The following PLXNA2 variants were observed in gnomAD, a reference collection of about 807,000 sequenced individuals.
PLXNA2 encodes the protein plexin A2.
A neutral mutation model predicts 193.5 loss-of-function variants in PLXNA2; 91 were observed. The observed-to-expected ratio is 0.47, with a 90% CI of 0.40 to 0.56. The LOEUF is 0.56. Ranked by LOEUF, PLXNA2 falls within the 20% of genes least tolerant of loss-of-function variation. The probability of loss-of-function intolerance (pLI) is 0.00; values close to 1 mark genes in which losing one functional copy is unlikely to be tolerated. For missense variants in PLXNA2, 1,995 were observed against 2,503.2 expected (o/e 0.80, Z 4.33); for synonymous variants, 997 against 1,027.3 (o/e 0.97, Z 0.56).
chr1:208,200,144 A>C (rs1399557551), intron 3 of PLXNA2, among the ~76,000 whole-genome samples: 1 of 152,214 alleles, frequency 6.6e-6, no homozygotes. Context: ...ACAGGGTAGG[A>C]TGGGGATGGC....
intron 9 of PLXNA2, among the ~76,000 whole-genome samples, chr1:208,087,127 A>G (rs1666557115): frequency 6.6e-6 from 1 of 152,062 alleles, no homozygotes; most frequent in African/African-American, 2.4e-5. Context: ...ATGAGCTTAG[A>G]CAACAAATTC....
At chr1:208,037,915 G>GT (rs33916101) in intron 26 of PLXNA2, among the ~76,000 whole-genome samples, 78,869 of 151,926 alleles carry the variant, frequency 0.52, 21,227 homozygotes, top group Non-Finnish European at 0.57. Flanking sequence ...GAGGAAGAAT[G>GT]TAAGACCTGA....
intron 2 of PLXNA2, among the ~76,000 whole-genome samples, chr1:208,212,161 C>A (rs1263513760): frequency 6.6e-6 from 1 of 152,228 alleles, no homozygotes; most frequent in Admixed American, 6.5e-5. Context: ...TGCCCCCATG[C>A]TCCCTTCAGC....
chr1:208,143,412 AGCTGAT>A (rs980872265), intron 3 of PLXNA2, among the ~76,000 whole-genome samples: 2 of 152,232 alleles, frequency 1.3e-5, no homozygotes, highest in Non-Finnish European at 2.9e-5. Flanking sequence ...CAAATTCCCC[AGCTGAT>A]GCTGATGCTG....
intron 4 of PLXNA2, among the ~76,000 whole-genome samples, chr1:208,113,567 T>TTTTA (rs1667554549): frequency 6.8e-6 from 1 of 147,748 alleles, no homozygotes. Context: ...TTTTTTTTTT[T>TTTTA]GAGATGCGGT....
chr1:208,050,879 C>A (rs1571863106), intron 17 of PLXNA2, 130 bp downstream of exon 17: 2 of 674,460 alleles, frequency 3.0e-6, no homozygotes, highest in Admixed American at 2.7e-5. Flanking sequence ...ATTCCAGGCT[C>A]AGAGTCTTAA....
chr1:208,167,392 T>C (rs1006214765), intron 3 of PLXNA2, among the ~76,000 whole-genome samples: 2 of 152,196 alleles, frequency 1.3e-5, no homozygotes, highest in Non-Finnish European at 2.9e-5. Context: ...TGCCATTCCC[T>C]GGAGGAGCCA....
At chr1:208,196,234 C>G (rs1670355101) in intron 3 of PLXNA2, among the ~76,000 whole-genome samples, 1 of 152,148 alleles carries the variant, frequency 6.6e-6, no homozygotes, top group South Asian at 2.1e-4. Context: ...CATCCCTGCC[C>G]AGCTTCAGGA....
intron 4 of PLXNA2, among the ~76,000 whole-genome samples, chr1:208,127,855 C>A (rs990821751): frequency 6.6e-6 from 1 of 152,178 alleles, no homozygotes; most frequent in African/African-American, 2.4e-5. Flanking sequence ...CAGTAGAAAT[C>A]CCCCCTGGCG....
chr1:208,089,006 T>C (rs935132251), intron 9 of PLXNA2, among the ~76,000 whole-genome samples: 2 of 152,222 alleles, frequency 1.3e-5, no homozygotes, highest in African/African-American at 4.8e-5. Flanking sequence ...ATCCACTTCA[T>C]AGAGTACTTA....
chr1:208,051,506 G>A, intron 15 of PLXNA2, 83 bp from the exon 16 acceptor site: 2 of 1,123,638 alleles, frequency 1.8e-6, no homozygotes, highest in African/African-American at 1.6e-5. Context: ...GGCTTTCCTT[G>A]GTCTGCGGGT....
At chr1:208,108,397 G>A (rs1667344018) in intron 4 of PLXNA2, among the ~76,000 whole-genome samples, 1 of 152,164 alleles carries the variant, frequency 6.6e-6, no homozygotes, top group African/African-American at 2.4e-5. Context: ...GAGCCCCTGG[G>A]CAGTTACTCC....
Position 208,039,683 on chromosome 1 carries a change from C to T in PLXNA2, c.4438G>A (p.Glu1480Lys), listed in dbSNP as rs1269275813. The change falls in exon 24 of 32, where the codon GAG (glutamate) becomes AAG (lysine). Residue 1480 changes from glutamate to lysine, a missense_variant. Glu to Lys is a moderately conservative substitution (Grantham distance 56). Around this residue, in one of 3 missense-constraint regions of PLXNA2, gnomAD observed 1,291 missense variants for 1,673.6 expected, o/e 0.77. Transcript: ENST00000367033. Reference protein sequence around the residue: ...EKGPIDAITGEARYSLSEDKL... With the variant: ...EKGPIDAITGKARYSLSEDKL... ...TCCTCGCTCAGGGAGTAGCGGGCCTCGCCCGTGATGGCATCAATGGGGCCC... is the reference window on the plus strand; with the variant it reads ...TCCTCGCTCAGGGAGTAGCGGGCCTTGCCCGTGATGGCATCAATGGGGCCC... The T allele has an allele frequency of 9.9e-6, 16 of 1,614,082 alleles. No individual in the cohort carries two copies. Among genetic ancestry groups the T allele is most frequent in the Non-Finnish European group, 1.4e-5 (16 of 1,180,058 alleles).
At chr1:208,176,411 C>T (rs1669662399) in intron 3 of PLXNA2, among the ~76,000 whole-genome samples, 1 of 152,180 alleles carries the variant, frequency 6.6e-6, no homozygotes, top group Non-Finnish European at 1.5e-5. Flanking sequence ...CTACAAACAA[C>T]ATTGCTACAG....
At chr1:208,162,809 A>T (rs1669174061) in intron 3 of PLXNA2, among the ~76,000 whole-genome samples, 1 of 152,202 alleles carries the variant, frequency 6.6e-6, no homozygotes. Flanking sequence ...TCCTAGTAAG[A>T]ACAGAGCCAG....
chr1:208,097,421 T>C (rs897254411), intron 6 of PLXNA2, among the ~76,000 whole-genome samples: 6 of 152,198 alleles, frequency 3.9e-5, no homozygotes, highest in Non-Finnish European at 7.3e-5. Flanking sequence ...GAGTTTGTGC[T>C]TCTCTGTTCC....
intron 12 of PLXNA2, among the ~76,000 whole-genome samples, chr1:208,063,571 G>T (rs921379559): frequency 2.0e-5 from 3 of 152,148 alleles, no homozygotes; most frequent in African/African-American, 7.2e-5. Flanking sequence ...TGTCCTTGTG[G>T]GTCATTAAAC....
chr1:208,197,365 G>T (rs542909127), intron 3 of PLXNA2, among the ~76,000 whole-genome samples: 1 of 152,384 alleles, frequency 6.6e-6, no homozygotes, highest in African/African-American at 2.4e-5. Context: ...CAGGCTGAGG[G>T]TGAATGGGGC....
chr1:208,052,080 T>TC (rs1328636511), intron 15 of PLXNA2, among the ~76,000 whole-genome samples: 1 of 152,220 alleles, frequency 6.6e-6, no homozygotes, highest in Non-Finnish European at 1.5e-5. Context: ...AGGAGCCTCC[T>TC]CCATCTGGTG....
Sources: gnomAD v4.1 joint callset for allele counts (sites outside exome capture counted in the v4.1 genomes callset) on GRCh38, gnomAD v4.1.1 for gene constraint, gnomAD v4.1.1 regional missense constraint, MANE v1.5 for transcripts, NCBI Gene and HGNC (gene_info 2026-07-23, HGNC 2026-07-21) for gene names.